The following FMN2 variants were observed in gnomAD, a reference collection of about 807,000 sequenced individuals.
The protein encoded by FMN2 is formin-2.
Under a neutral mutation model 142.3 loss-of-function variants are expected in FMN2, and 51 were observed. The observed-to-expected ratio is 0.36, with a 90% CI of 0.29 to 0.45. The LOEUF is 0.45. FMN2 is among the 20% of genes least tolerant of loss of function. The probability of loss-of-function intolerance (pLI) is 1.00; values close to 1 mark genes in which losing one functional copy is unlikely to be tolerated. For synonymous variants in FMN2, 882 were observed against 869.8 expected, an observed-to-expected ratio of 1.01 and a Z score of -0.25; for missense variants, 1,936 against 2,122.8, an observed-to-expected ratio of 0.91 and a Z score of 1.73.
chr1:240,282,185 T>C (rs1270571385), intron 7 of FMN2, among the ~76,000 whole-genome samples: 1 of 152,188 alleles, frequency 6.6e-6, no homozygotes, highest in African/African-American at 2.4e-5. Flanking sequence ...ACCACTGATA[T>C]GTCTATTTCC....
intron 6 of FMN2, among the ~76,000 whole-genome samples, chr1:240,233,143 G>C (rs927353321): frequency 1.3e-5 from 2 of 152,150 alleles, no homozygotes; most frequent in African/African-American, 4.8e-5. Context: ...CACTTTGGGA[G>C]GCCAAGGCAG....
chr1:240,392,741 G>A (rs1673646751), intron 15 of FMN2, among the ~76,000 whole-genome samples, 179 bp downstream of exon 15: 2 of 152,054 alleles, frequency 1.3e-5, no homozygotes, highest in South Asian at 2.1e-4. Flanking sequence ...GTTATTCTGG[G>A]TAACATATAA....
At chr1:240,370,853 T>G (rs1458220105) in intron 14 of FMN2, among the ~76,000 whole-genome samples, 2 of 152,214 alleles carry the variant, frequency 1.3e-5, no homozygotes, top group Non-Finnish European at 1.5e-5. Context: ...TATAATAAAT[T>G]ATTAAAGTGT....
rs1572312864 is a variant in FMN2 at position 240,438,005 on chromosome 1, C to G, written c.4911-56C>G. ...CAGCATTTGGATAGAGAAAGAATAT[C>G]CCATATTGGAAAGTAATCATGGCTT... On this transcript the variant is annotated intron_variant, in intron 15 of 17. Coordinates refer to ENST00000319653, the MANE Select transcript of FMN2 (RefSeq NM_020066.5). The G allele has an allele frequency of 5.8e-6, 9 of 1,564,600 alleles. No homozygotes were observed. The East Asian group carries it at 9.0e-5, about 16-fold the overall frequency.
intron 5 of FMN2, among the ~76,000 whole-genome samples, chr1:240,209,348 T>C (rs1666587008): frequency 6.6e-6 from 1 of 151,338 alleles, no homozygotes; most frequent in Non-Finnish European, 1.5e-5. Flanking sequence ...CCTCCCGGGT[T>C]CACCCCATTC....
intron 6 of FMN2, among the ~76,000 whole-genome samples, chr1:240,256,087 C>T (rs963335842): frequency 1.1e-4 from 16 of 152,060 alleles, no homozygotes; most frequent in Non-Finnish European, 1.6e-4. Context: ...ATGCCTATTG[C>T]ATTGAGAAAC....
At chr1:240,100,141 A>G (rs1471786217) in intron 1 of FMN2, among the ~76,000 whole-genome samples, 1 of 152,224 alleles carries the variant, frequency 6.6e-6, no homozygotes, top group Admixed American at 6.5e-5. Context: ...ATTATTTTCA[A>G]TGAGGTGTGA....
At position 240,460,247 on chromosome 1, in the gene FMN2, C is replaced by G. The variant is rs141445903; in HGVS notation, c.5061-12125C>G. 2.3e-3 allele frequency among the ~76,000 whole-genome samples: 344 copies of G among 152,308 alleles called. 6 individuals carry two copies. The highest frequency in any genetic ancestry group is 0.023 in the South Asian group (109 of 4,830). ...AAGACATGCATCCACTTCTCTAGTT[C>G]TCTTTTAAAATAATATCTTCAGTGT... On this transcript the variant is annotated intron_variant, in intron 16 of 17. Coordinates refer to ENST00000319653, the MANE Select transcript of FMN2 (RefSeq NM_020066.5).
At chr1:240,175,633 C>A (rs1438580461) in intron 2 of FMN2, among the ~76,000 whole-genome samples, 1 of 150,580 alleles carries the variant, frequency 6.6e-6, no homozygotes, top group African/African-American at 2.5e-5. Context: ...AGGTGTGTGC[C>A]ACTATACCTG....
intron 2 of FMN2, among the ~76,000 whole-genome samples, chr1:240,159,903 G>GTATATATATATA: frequency 1.3e-5 from 1 of 76,364 alleles, no homozygotes; most frequent in African/African-American, 6.8e-5. Context: ...ATATATATCT[G>GTATATATATATA]TGTATATATA....
chr1:240,217,540 A>G (rs961983130), intron 6 of FMN2, among the ~76,000 whole-genome samples: 1 of 152,248 alleles, frequency 6.6e-6, no homozygotes, highest in Admixed American at 6.5e-5. Context: ...TTAATAGAAT[A>G]CATTCCTATT....
chr1:240,197,997 C>T lies in FMN2; in HGVS notation c.1987-8802C>T, dbSNP rs147690410. 2.2e-4 allele frequency among the ~76,000 whole-genome samples: 33 copies of T among 152,030 alleles called. No homozygotes were observed. In the East Asian group the frequency reaches 5.0e-3, roughly 23 times the overall value. ...AAGATTTTTCTTGAAAAAACAAACA[C>T]CAAAAAAAAGATATTTGAGAACAGT... On this transcript the variant is annotated intron_variant, in intron 4 of 17. Coordinates refer to ENST00000319653, the MANE Select transcript of FMN2 (RefSeq NM_020066.5).
intron 15 of FMN2, among the ~76,000 whole-genome samples, chr1:240,413,749 G>A (rs1273437705): frequency 1.3e-5 from 2 of 152,192 alleles, no homozygotes; most frequent in Middle Eastern, 3.4e-3. Context: ...CTGTAGATTC[G>A]GACTAGAAGC....
chr1:240,234,717 G>A (rs1398482173), intron 6 of FMN2, among the ~76,000 whole-genome samples: 4 of 152,252 alleles, frequency 2.6e-5, no homozygotes, highest in African/African-American at 7.2e-5. Flanking sequence ...GTTGAATCAC[G>A]TTGAGTCAGA....
intron 2 of FMN2, among the ~76,000 whole-genome samples, chr1:240,124,829 G>A (rs1323469476): frequency 1.3e-5 from 2 of 152,086 alleles, no homozygotes; most frequent in African/African-American, 4.8e-5. Flanking sequence ...CACTATGCCT[G>A]GCTAATTTTT....
At chr1:240,173,080 C>T (rs901550724) in intron 2 of FMN2, among the ~76,000 whole-genome samples, 4 of 151,990 alleles carry the variant, frequency 2.6e-5, no homozygotes, top group Non-Finnish European at 5.9e-5. Context: ...GGACTACAGG[C>T]GCCTGCCACC....
intron 1 of FMN2, among the ~76,000 whole-genome samples, chr1:240,112,167 T>C (rs889106119): frequency 4.7e-5 from 7 of 148,216 alleles, no homozygotes; most frequent in Admixed American, 3.4e-4. Flanking sequence ...GGAGTCTCAC[T>C]CTGTCACCAG....
intron 16 of FMN2, among the ~76,000 whole-genome samples, chr1:240,452,418 T>C (rs1175267752): frequency 6.6e-6 from 1 of 152,114 alleles, no homozygotes; most frequent in Non-Finnish European, 1.5e-5. Flanking sequence ...AAGTACTAAC[T>C]CTTTAATCTT....
chr1:240,265,583 T>C (rs2102909989), intron 7 of FMN2, among the ~76,000 whole-genome samples: 1 of 152,216 alleles, frequency 6.6e-6, no homozygotes, highest in African/African-American at 2.4e-5. Flanking sequence ...TTCCCAGCTT[T>C]CAGAATTATG....
Sources: allele counts gnomAD v4.1 joint callset (sites outside exome capture counted in the v4.1 genomes callset), GRCh38; gene constraint gnomAD v4.1.1; transcripts MANE v1.5; gene names NCBI Gene and HGNC (gene_info 2026-07-23, HGNC 2026-07-21).